PRH1: variants seen among roughly 807,000 people sequenced by gnomAD.
The protein encoded by PRH1 is salivary acidic proline-rich phosphoprotein 1/2.
A neutral mutation model predicts 7.9 loss-of-function variants in PRH1; 7 were observed. The observed-to-expected ratio is 0.89, with a 90% confidence interval of 0.50 to 1.67. The LOEUF (loss-of-function observed/expected upper bound fraction) is 1.67, where lower values mean the gene tolerates loss of function less well. Ranked by LOEUF, PRH1 falls within the 40% of genes most tolerant of loss-of-function variation. The pLI is 0.00. For missense variants in PRH1, 109 were observed against 223.6 expected, an observed-to-expected ratio of 0.49 and a Z score of 3.27; for synonymous variants, 45 against 80.8, an observed-to-expected ratio of 0.56 and a Z score of 2.38.
chr12:11,147,654 T>C (rs558162389), intron 1 of PRH1, among the ~76,000 whole-genome samples: 1 of 152,340 alleles, frequency 6.6e-6, no homozygotes, highest in African/African-American at 2.4e-5. Flanking sequence ...CACATCATTA[T>C]ACTGTAAATT....
At chr12:11,065,875 A>G (rs1943787051) in intron 1 of PRH1, among the ~76,000 whole-genome samples, 1 of 152,174 alleles carries the variant, frequency 6.6e-6, no homozygotes, top group Non-Finnish European at 1.5e-5. Flanking sequence ...CTTTTTTTGG[A>G]TAGTAGCTTG....
chr12:10,962,056 C>T (rs1409886067), intron 2 of PRH1, among the ~76,000 whole-genome samples: 1 of 152,196 alleles, frequency 6.6e-6, no homozygotes. Flanking sequence ...GCCATTGCTG[C>T]CCTGGACTTA....
chr12:10,980,555 G>C (rs989206749), intron 1 of PRH1, among the ~76,000 whole-genome samples: 4 of 151,878 alleles, frequency 2.6e-5, no homozygotes, highest in Admixed American at 2.6e-4. Flanking sequence ...TATGTAAATA[G>C]ATGTACATAA....
rs1565557194 is a variant in PRH1, at chr12:11,020,363, G to GAGATATATATATATATAT, written c.-126+26656_-126+26657insATATATATATATATATCT. On this transcript the variant is annotated intron_variant, in intron 1 of 3. Coordinates refer to the PRH1 transcript ENST00000539853. Reference sequence around the variant, plus strand: ...GTACTAGGGAGGACGTATGATAAGCGATATATATATATATATATATATATA... The same window carrying GAGATATATATATATATAT: ...GTACTAGGGAGGACGTATGATAAGCGAGATATATATATATATATATATATATATATATATATATATATA... Among the ~76,000 whole-genome samples, 3 of 87,584 alleles carry GAGATATATATATATATAT rather than the reference G, an allele frequency of 3.4e-5. 1 individual carries two copies. Among genetic ancestry groups the GAGATATATATATATATAT allele is most frequent in the Non-Finnish European group, 7.0e-5 (3 of 42,942 alleles). The allele number at this position is 87,584 out of a possible 152,430, so 57.5% of individuals were successfully genotyped here. A position where few individuals can be genotyped will look rare whatever the true frequency, so the allele number is the denominator to read the frequency against.
intron 1 of PRH1, among the ~76,000 whole-genome samples, chr12:11,063,765 T>C (rs1364458610): frequency 2.0e-5 from 3 of 152,104 alleles, no homozygotes; most frequent in Non-Finnish European, 4.4e-5. Flanking sequence ...TAATTAAGGC[T>C]AGAAGAAATC....
intron 2 of PRH1, chr12:10,939,231 G>T: frequency 7.3e-7 from 1 of 1,372,790 alleles, no homozygotes. Flanking sequence ...ATGCCCCAAT[G>T]TCTAATATCA....
At chr12:10,981,320 A>C (rs1939339377) in intron 1 of PRH1, among the ~76,000 whole-genome samples, 1 of 151,344 alleles carries the variant, frequency 6.6e-6, no homozygotes, top group Non-Finnish European at 1.5e-5. Flanking sequence ...GTACCCCAAA[A>C]GACACAGTGG....
intron 1 of PRH1, among the ~76,000 whole-genome samples, chr12:10,980,914 T>G (rs1395200993): frequency 4.6e-5 from 7 of 152,206 alleles, no homozygotes; most frequent in Non-Finnish European, 1.0e-4. Flanking sequence ...AATGTCAGAT[T>G]CAATGAAGTG....
rs200508900 is a variant in PRH1 at position 11,091,294 on chromosome 12, G to A, written n.124-44106C>T. 7.2e-6 allele frequency: 7 copies of A among 977,138 alleles called. 2 individuals are homozygous for A. Among genetic ancestry groups the A allele is most frequent in the African/African-American group, 3.8e-5 (2 of 53,284 alleles). 60.5% of individuals were successfully genotyped at this position (977,138 alleles called of 1,614,324 possible). On this transcript the variant is annotated intron_variant and non_coding_transcript_variant, in intron 1 of 4. Coordinates refer to the PRH1 transcript ENST00000541977. ...CTAGAAGATACACAATGCCCCTCTCGTGAATCTATGGAGATGAAGTCTTCT... is the reference window on the plus strand; with the variant it reads ...CTAGAAGATACACAATGCCCCTCTCATGAATCTATGGAGATGAAGTCTTCT...
chr12:10,980,425 G>C (rs751167358), intron 1 of PRH1, among the ~76,000 whole-genome samples: 2 of 152,030 alleles, frequency 1.3e-5, no homozygotes, highest in Non-Finnish European at 2.9e-5. Context: ...CTATCACTCT[G>C]AATAGGCAGA....
At chr12:11,156,523 G>A (rs1947253164) in intron 1 of PRH1, among the ~76,000 whole-genome samples, 2 of 152,112 alleles carry the variant, frequency 1.3e-5, no homozygotes, top group Admixed American at 1.3e-4. Flanking sequence ...CCTTTAGCCT[G>A]TATTTTTCCA....
chr12:11,165,476 T>C (rs1298979329), intron 1 of PRH1, among the ~76,000 whole-genome samples: 1 of 152,222 alleles, frequency 6.6e-6, no homozygotes, highest in Admixed American at 6.5e-5. Flanking sequence ...GAGCTTCTTA[T>C]ATAGTTTCTA....
At chr12:10,884,912 A>G (rs926087888), upstream of PRH1, among the ~76,000 whole-genome samples, 1 of 152,166 alleles carries the variant, frequency 6.6e-6, no homozygotes, top group African/African-American at 2.4e-5. Flanking sequence ...GTGCTATACA[A>G]CACAGGCAAG....
chr12:10,986,491 T>C lies in PRH1; in HGVS notation c.-125-12770A>G, dbSNP rs146299193. ...ATCACCAGAATGACACTCCTAACTCTCCTCTTTAAATGAAGAAAAAGAAGG... is the reference window on the plus strand; with the variant it reads ...ATCACCAGAATGACACTCCTAACTCCCCTCTTTAAATGAAGAAAAAGAAGG... On this transcript the variant is annotated intron_variant, in intron 1 of 3. Coordinates refer to the PRH1 transcript ENST00000539853. The C allele has an allele frequency of 2.3e-4, 370 of 1,613,914 alleles. No individual in the cohort carries two copies. The highest frequency in any genetic ancestry group is 5.7e-4 in the Admixed American group (34 of 59,976).
At chr12:10,957,290 AGTT>A (rs2135926236) in intron 2 of PRH1, among the ~76,000 whole-genome samples, 1 of 152,250 alleles carries the variant, frequency 6.6e-6, no homozygotes, top group Non-Finnish European at 1.5e-5. Context: ...TCTTCAACAA[AGTT>A]AACAAAAACA....
chr12:10,955,492 A>C (rs187409844), intron 2 of PRH1, among the ~76,000 whole-genome samples: 5 of 152,272 alleles, frequency 3.3e-5, no homozygotes, highest in African/African-American at 1.2e-4. Context: ...GAATGATCTC[A>C]AATTAATAAC....
chr12:10,886,861 G>A (rs1374465325), upstream of PRH1, among the ~76,000 whole-genome samples: 2 of 152,074 alleles, frequency 1.3e-5, no homozygotes, highest in Non-Finnish European at 2.9e-5. Flanking sequence ...ATGACCACTT[G>A]CCTGATCTTT....
chr12:10,921,743 T>C (rs1232898156), intron 2 of PRH1, among the ~76,000 whole-genome samples: 1 of 152,206 alleles, frequency 6.6e-6, no homozygotes, highest in Non-Finnish European at 1.5e-5. Context: ...GGAAATTTAC[T>C]TAACCTTGCT....
chr12:10,912,544 C>G lies in PRH1; in HGVS notation c.-58-28269G>C, dbSNP rs555503931. Among the ~76,000 whole-genome samples, 12 of 152,016 alleles carry G rather than the reference C, an allele frequency of 7.9e-5. No individual in the cohort carries two copies. In the South Asian group the frequency reaches 2.5e-3, roughly 32 times the overall value. On this transcript the variant is annotated intron_variant, in intron 2 of 3. Coordinates refer to the PRH1 transcript ENST00000539853. The stretch of plus-strand genomic sequence containing the variant: ...TCAAGTCTGTCTTGGTCGATCTTTT[C>G]AGATGTATTATTTTTCATTAATTTC...
Sources: allele counts gnomAD v4.1 joint callset (sites outside exome capture counted in the v4.1 genomes callset), GRCh38; gene constraint gnomAD v4.1.1; transcripts MANE v1.5; gene names NCBI Gene and HGNC (gene_info 2026-07-23, HGNC 2026-07-21).